The following APPL2 variants were observed in gnomAD, a reference collection of about 807,000 sequenced individuals.
APPL2 encodes the protein adaptor protein, phosphotyrosine interacting with PH domain and leucine zipper 2, also known as DCC-interacting protein 13-beta.
A neutral mutation model predicts 92.7 loss-of-function variants in APPL2; 84 were observed. The observed-to-expected ratio is 0.91, with a 90% CI of 0.76 to 1.09. The LOEUF is 1.09. Among genes scored for constraint, APPL2 ranks in the 50% least tolerant of loss-of-function variants. The probability of loss-of-function intolerance (pLI) is 0.00; values close to 1 mark genes in which losing one functional copy is unlikely to be tolerated. For missense variants in APPL2, 736 were observed against 824.5 expected (o/e 0.89, Z 1.31); for synonymous variants, 291 against 291.0 (o/e 1.00, Z 0.00).
intron 17 of APPL2, among the ~76,000 whole-genome samples, chr12:105,185,138 C>T (rs1886488975): frequency 6.6e-6 from 1 of 152,198 alleles, no homozygotes; most frequent in South Asian, 2.1e-4. Context: ...TGGTCAACTT[C>T]AGACTGCTGT....
At chr12:105,207,732 C>A (rs1223621398) in intron 7 of APPL2, among the ~76,000 whole-genome samples, 1 of 152,152 alleles carries the variant, frequency 6.6e-6, no homozygotes, top group Admixed American at 6.5e-5. Flanking sequence ...GAAGTTAAAA[C>A]CCCTGTGTGA....
At position 105,176,514 on chromosome 12, in the gene APPL2, T is replaced by A. The variant is rs1885558751; in HGVS notation, c.1812+362A>T. On this transcript the variant is annotated intron_variant, in intron 19 of 20. Transcript: ENST00000258530. ...CAGCTTGTGTGTAACTTTTCTAATATCTTCCTTGGTTTTCTCTCTGAGACT... is the reference window on the plus strand; with the variant it reads ...CAGCTTGTGTGTAACTTTTCTAATAACTTCCTTGGTTTTCTCTCTGAGACT... 3 of 417,590 alleles carry A rather than the reference T, an allele frequency of 7.2e-6. No homozygotes were observed. The South Asian group carries it at 2.2e-4, about 30-fold the overall frequency. 25.9% of individuals were successfully genotyped at this position (417,590 alleles called of 1,614,324 possible). A position where few individuals can be genotyped will look rare whatever the true frequency, so the allele number is the denominator to read the frequency against.
chr12:105,195,819 G>C (rs1202734500), intron 11 of APPL2, among the ~76,000 whole-genome samples, 192 bp from the exon 12 acceptor site: 2 of 152,144 alleles, frequency 1.3e-5, no homozygotes, highest in African/African-American at 2.4e-5. Flanking sequence ...TTTTGGGAAG[G>C]TGAGGCAGGA....
chr12:105,191,523 A>AG (rs1014417148), intron 14 of APPL2, among the ~76,000 whole-genome samples: 1 of 152,136 alleles, frequency 6.6e-6, no homozygotes, highest in Non-Finnish European at 1.5e-5. Flanking sequence ...AGAGAGTCAA[A>AG]GGGGGGAGAT....
In APPL2 at chr12:105,207,171, G is replaced by A. The variant is rs958941305; in HGVS notation, c.511C>T (p.Arg171Trp). 8.7e-6 allele frequency: 14 copies of A among 1,613,780 alleles called. No individual in the cohort carries two copies. The highest frequency in any genetic ancestry group is 6.7e-5 in the Admixed American group (4 of 59,896). ...AGGGAGGAGAGGTGCTGCTTCCGCC[G>A]GGCCGCGGCCACCTCTTTTCCGACT... ...TEVGKEVAAARRKQHLSSLQY... is the reference protein window; with the variant it reads ...TEVGKEVAAAWRKQHLSSLQY... The change falls in exon 8 of 21, where the codon CGG becomes TGG. Residue 171 changes from arginine to tryptophan, a missense_variant. Arg to Trp is a moderately radical substitution (Grantham distance 101). Transcript: ENST00000258530.
chr12:105,213,045 C>A (rs12812433), intron 4 of APPL2, among the ~76,000 whole-genome samples: 25,969 of 152,230 alleles, frequency 0.17, 2,493 homozygotes, highest in East Asian at 0.25. Context: ...TACTGTTTTT[C>A]ATTAACAGTT....
At chr12:105,233,518 G>T in intron 1 of APPL2, 1 of 480,768 alleles carries the variant, frequency 2.1e-6, no homozygotes, top group Non-Finnish European at 2.7e-6. Context: ...CAAAAGCTTT[G>T]GTGTTCATTT....
At chr12:105,188,534 C>G (rs1479289077) in intron 16 of APPL2, 87 bp from the exon 17 acceptor site, 2 of 1,458,768 alleles carry the variant, frequency 1.4e-6, no homozygotes, top group Non-Finnish European at 1.9e-6. Flanking sequence ...CTAGTTTTGC[C>G]TGCTTTCTGT....
rs146455847 is a variant in APPL2 at position 105,175,836 on chromosome 12, TAAG to T, written c.1860+196_1860+198del. On this transcript the variant is annotated intron_variant, in intron 20 of 20. Coordinates refer to ENST00000258530, the MANE Select transcript of APPL2 (RefSeq NM_018171.5). ...AGATAAGCAGGAGCTCCAGCAGTGA[TAAG>T]AAGTCCTCATGTGTTAACAGTGAAC... Among the ~76,000 whole-genome samples the T allele has an allele frequency of 2.8e-3, 434 of 152,312 alleles. 17 individuals are homozygous for T. The East Asian group carries it at 0.072, about 25-fold the overall frequency.
intron 2 of APPL2, among the ~76,000 whole-genome samples, chr12:105,221,408 AAAGGATAAAT>A (rs1440540353): frequency 6.6e-6 from 1 of 152,224 alleles, no homozygotes; most frequent in East Asian, 1.9e-4. Context: ...TAAGCTTCAG[AAAGGATAAAT>A]AACTTTCTAA....
chr12:105,215,072 T>A (rs1315796733), intron 4 of APPL2, among the ~76,000 whole-genome samples: 1 of 152,198 alleles, frequency 6.6e-6, no homozygotes, highest in Non-Finnish European at 1.5e-5. Context: ...ATATCCTTTA[T>A]AATAAAGGTA....
chr12:105,203,912 G>T, intron 8 of APPL2, 127 bp from the exon 9 acceptor site: 1 of 733,910 alleles, frequency 1.4e-6, no homozygotes, highest in Admixed American at 2.1e-5. Flanking sequence ...CGCGGCACTG[G>T]CAGCATCTCT....
intron 1 of APPL2, chr12:105,235,361 T>G (rs1476365224): frequency 6.6e-6 from 1 of 152,218 alleles, no homozygotes; most frequent in Non-Finnish European, 1.5e-5. Flanking sequence ...GGGCAGGTAC[T>G]GTATTTTTCT....
intron 4 of APPL2, among the ~76,000 whole-genome samples, chr12:105,216,423 G>C (rs1003704022): frequency 2.0e-5 from 3 of 152,040 alleles, no homozygotes; most frequent in Admixed American, 2.0e-4. Flanking sequence ...TCCCCTAAAA[G>C]ATATGACCAC....
intron 2 of APPL2, among the ~76,000 whole-genome samples, chr12:105,225,039 T>C: frequency 6.6e-6 from 1 of 151,444 alleles, no homozygotes; most frequent in East Asian, 2.0e-4. Flanking sequence ...TCTGAAAGCT[T>C]TGGTTAAGAA....
intron 2 of APPL2, among the ~76,000 whole-genome samples, chr12:105,223,197 A>G (rs996487881): frequency 6.6e-6 from 1 of 152,208 alleles, no homozygotes; most frequent in African/African-American, 2.4e-5. Context: ...GAAAAGGGGA[A>G]GACGTCTTCC....
chr12:105,196,978 ACAT>A (rs747669492), intron 11 of APPL2, among the ~76,000 whole-genome samples: 192 of 152,130 alleles, frequency 1.3e-3, no homozygotes, highest in Non-Finnish European at 1.9e-3. Context: ...GGGAGGAGAG[ACAT>A]CATCCCAATG....
At chr12:105,220,912 AT>A (rs1369326760) in intron 2 of APPL2, among the ~76,000 whole-genome samples, 2 of 152,224 alleles carry the variant, frequency 1.3e-5, no homozygotes, top group Non-Finnish European at 2.9e-5. Flanking sequence ...TAGGAATACC[AT>A]TTGAAAATGC....
intron 7 of APPL2, among the ~76,000 whole-genome samples, chr12:105,207,738 T>C (rs1888854776): frequency 6.6e-6 from 1 of 152,190 alleles, no homozygotes; most frequent in Non-Finnish European, 1.5e-5. Flanking sequence ...AAAACCCCTG[T>C]GTGATCATAA....
Sources: allele counts gnomAD v4.1 joint callset (sites outside exome capture counted in the v4.1 genomes callset), GRCh38; gene constraint gnomAD v4.1.1; transcripts MANE v1.5; gene names NCBI Gene and HGNC (gene_info 2026-07-23, HGNC 2026-07-21).